Variants in GRB10 observed in about 807,000 individuals in gnomAD.
GRB10 encodes the protein growth factor receptor bound protein 10.
Under a neutral mutation model 80.9 loss-of-function variants are expected in GRB10, and 20 were observed. The ratio of observed to expected loss-of-function variants is 0.25; its 90% CI spans 0.17 to 0.36. The LOEUF is 0.36. Ranked by LOEUF, GRB10 falls within the 10% of genes least tolerant of loss-of-function variation. GRB10 has a pLI of 1.00. For missense variants in GRB10, 548 were observed against 747.7 expected, an observed-to-expected ratio of 0.73 and a Z score of 3.12; for synonymous variants, 291 against 291.5, an observed-to-expected ratio of 1.00 and a Z score of 0.02.
At chr7:50,752,397 C>T (rs997907475) in intron 3 of GRB10, among the ~76,000 whole-genome samples, 8 of 152,162 alleles carry the variant, frequency 5.3e-5, no homozygotes, top group Non-Finnish European at 8.8e-5. Context: ...AGGAGCAAAA[C>T]GGTTGTGTGG....
chr7:50,670,756 G>A (rs1420768511), intron 6 of GRB10, among the ~76,000 whole-genome samples: 1 of 152,202 alleles, frequency 6.6e-6, no homozygotes, highest in Non-Finnish European at 1.5e-5. Flanking sequence ...AAAAGGCTGT[G>A]TGTTCTCATC....
chr7:50,717,444 T>C (rs1041799744), intron 4 of GRB10, among the ~76,000 whole-genome samples: 1 of 52,488 alleles, frequency 1.9e-5, no homozygotes, highest in Non-Finnish European at 3.9e-5. Flanking sequence ...CATGAGAAGC[T>C]TGAAGAGTGT....
At chr7:50,709,935 G>A (rs2065638028) in intron 4 of GRB10, among the ~76,000 whole-genome samples, 1 of 152,006 alleles carries the variant, frequency 6.6e-6, no homozygotes, top group African/African-American at 2.4e-5. Context: ...TGGCACTCTA[G>A]GAGCCACAAC....
intron 7 of GRB10, among the ~76,000 whole-genome samples, chr7:50,640,915 C>T (rs150676050): frequency 2.6e-5 from 4 of 152,298 alleles, no homozygotes; most frequent in Non-Finnish European, 4.4e-5. Context: ...TCAGCTTTGC[C>T]GGATCCCAGC....
chr7:50,657,768 G>C (rs2058795523), intron 7 of GRB10, among the ~76,000 whole-genome samples: 1 of 152,202 alleles, frequency 6.6e-6, no homozygotes, highest in Non-Finnish European at 1.5e-5. Flanking sequence ...CTATGTCTGT[G>C]CTCTCTTTCC....
chr7:50,593,247 G>T, intron 18 of GRB10, 149 bp from the exon 19 acceptor site: 1 of 869,094 alleles, frequency 1.2e-6, no homozygotes, highest in Non-Finnish European at 1.9e-6. Context: ...CCAGGGGCGG[G>T]AAAGACGGGA....
intron 2 of GRB10, among the ~76,000 whole-genome samples, chr7:50,766,712 C>G (rs561430548): frequency 1.3e-3 from 200 of 152,286 alleles, no homozygotes; most frequent in Non-Finnish European, 2.3e-3. Context: ...ATCACCACCC[C>G]CAAACAGCCA....
rs1230458789 is a variant in GRB10, at chr7:50,590,161, T to C, written c.*2791A>G. ...AAATACCTGAAAGTTTACAATTAGG[T>C]TCACGAGCCAAAGAGCTATGTACAG... On this transcript the variant is annotated 3_prime_UTR_variant, in exon 19 of 19. Transcript: ENST00000401949. 6.6e-6 allele frequency: 1 copy of C among 152,226 alleles called. No individual in the cohort carries two copies. Among genetic ancestry groups the C allele is most frequent in the African/African-American group, 2.4e-5 (1 of 41,468 alleles). The allele number at this position is 152,226 out of a possible 1,614,324, so 9.4% of individuals were successfully genotyped here. A position where few individuals can be genotyped will look rare whatever the true frequency, so the allele number is the denominator to read the frequency against.
chr7:50,633,122 T>C (rs2054317938), intron 7 of GRB10, among the ~76,000 whole-genome samples: 2 of 152,180 alleles, frequency 1.3e-5, no homozygotes, highest in South Asian at 4.1e-4. Context: ...GTGAACTGCA[T>C]AACTCAAAGT....
At chr7:50,698,510 C>T (rs1049451131) in intron 5 of GRB10, among the ~76,000 whole-genome samples, 5 of 152,180 alleles carry the variant, frequency 3.3e-5, no homozygotes, top group Non-Finnish European at 5.9e-5. Context: ...GTGTAGAATA[C>T]GCAGCAGGGT....
chr7:50,590,789 A>G lies in GRB10; in HGVS notation c.*2163T>C, dbSNP rs2045759728. The G allele has an allele frequency of 6.6e-6, 1 of 152,434 alleles. No individual in the cohort carries two copies. Among genetic ancestry groups the G allele is most frequent in the Admixed American group, 6.5e-5 (1 of 15,284 alleles). 9.4% of individuals were successfully genotyped at this position (152,434 alleles called of 1,614,324 possible). On this transcript the variant is annotated 3_prime_UTR_variant, in exon 19 of 19. Transcript: ENST00000401949. Reference sequence around the variant, plus strand: ...TGGAGGCGGTTTACATTCTCCAACAATTCACTTCGGCAGGGAAAATACAAA... The same window carrying G: ...TGGAGGCGGTTTACATTCTCCAACAGTTCACTTCGGCAGGGAAAATACAAA...
intron 13 of GRB10, among the ~76,000 whole-genome samples, chr7:50,609,429 T>C (rs1406612010): frequency 6.6e-6 from 1 of 152,256 alleles, no homozygotes; most frequent in African/African-American, 2.4e-5. Context: ...AGAATTGACA[T>C]ACCAGGAAGA....
intron 4 of GRB10, among the ~76,000 whole-genome samples, chr7:50,705,889 A>G (rs182120145): frequency 6.6e-6 from 1 of 152,368 alleles, no homozygotes; most frequent in African/African-American, 2.4e-5. Context: ...AACCTCCGCA[A>G]CAGGCGCTGA....
chr7:50,750,216 T>C (rs536221746), intron 3 of GRB10, among the ~76,000 whole-genome samples: 3 of 152,310 alleles, frequency 2.0e-5, no homozygotes, highest in Admixed American at 2.0e-4. Flanking sequence ...TGAATTCTCT[T>C]GGGAGCTGCC....
chr7:50,626,690 G>A (rs1484644373), intron 8 of GRB10, 132 bp downstream of exon 8: 2 of 988,862 alleles, frequency 2.0e-6, no homozygotes, highest in East Asian at 2.4e-5. Flanking sequence ...GAGAGTCGAG[G>A]GGAACCCAGA....
intron 4 of GRB10, among the ~76,000 whole-genome samples, chr7:50,720,271 G>A (rs1397832679): frequency 3.3e-5 from 5 of 152,172 alleles, no homozygotes; most frequent in Non-Finnish European, 5.9e-5. Flanking sequence ...CGAATACTTT[G>A]TTTCTAGTTA....
chr7:50,786,648 A>G (rs987185343), upstream of GRB10, among the ~76,000 whole-genome samples: 3 of 152,204 alleles, frequency 2.0e-5, no homozygotes, highest in African/African-American at 7.2e-5. Flanking sequence ...ATTCAGACAA[A>G]CCGTAAACTG....
intron 3 of GRB10, among the ~76,000 whole-genome samples, chr7:50,738,488 G>C (rs529497566): frequency 7.4e-4 from 112 of 152,298 alleles, no homozygotes; most frequent in Admixed American, 2.7e-3. Flanking sequence ...ACTCAGGCTG[G>C]AGAGCAGTGG....
chr7:50,602,929 A>G (rs1345344328), intron 17 of GRB10, among the ~76,000 whole-genome samples: 182 of 152,272 alleles, frequency 1.2e-3, no homozygotes, highest in Non-Finnish European at 2.9e-4. Flanking sequence ...GAGAAAAGGG[A>G]AAAGAGAGAT....
Sources: allele counts gnomAD v4.1 joint callset (sites outside exome capture counted in the v4.1 genomes callset), GRCh38; gene constraint gnomAD v4.1.1; transcripts MANE v1.5; gene names NCBI Gene and HGNC (gene_info 2026-07-23, HGNC 2026-07-21).